The following HDAC9 variants were observed in gnomAD, a reference collection of about 807,000 sequenced individuals.
HDAC9 encodes MEF-2 interacting transcription repressor (MITR) protein.
HDAC9 carries 41 observed loss-of-function variants against 139.4 expected under a neutral mutation model. That is an observed-to-expected ratio of 0.29 (90% confidence interval 0.23 to 0.38). The LOEUF (loss-of-function observed/expected upper bound fraction) is 0.38, where lower values mean the gene tolerates loss of function less well. HDAC9 is among the 10% of genes least tolerant of loss of function. HDAC9 has a pLI of 1.00. For missense variants in HDAC9, 1,147 were observed against 1,297.0 expected, an observed-to-expected ratio of 0.88 and a Z score of 1.78; for synonymous variants, 517 against 476.2, an observed-to-expected ratio of 1.09 and a Z score of -1.12.
intron 11 of HDAC9, among the ~76,000 whole-genome samples, chr7:18,657,864 G>T (rs578033858): frequency 2.6e-5 from 4 of 152,164 alleles, no homozygotes; most frequent in South Asian, 4.1e-4. Flanking sequence ...TGGCCTACAA[G>T]GCTGTCATGA....
chr7:18,895,231 C>T (rs1317268902), intron 22 of HDAC9, among the ~76,000 whole-genome samples: 2 of 152,064 alleles, frequency 1.3e-5, no homozygotes, highest in African/African-American at 4.8e-5. Flanking sequence ...GCTCAGGCCC[C>T]GCTAGGCAGA....
intron 2 of HDAC9, among the ~76,000 whole-genome samples, chr7:18,547,625 A>T (rs1254666231): frequency 6.6e-6 from 1 of 152,012 alleles, no homozygotes; most frequent in East Asian, 1.9e-4. Flanking sequence ...ACAGCAAGTA[A>T]TGCTGATGTG....
chr7:18,663,309 G>T (rs1218474938), intron 11 of HDAC9, among the ~76,000 whole-genome samples: 2 of 152,102 alleles, frequency 1.3e-5, no homozygotes, highest in Admixed American at 6.6e-5. Context: ...AGGCCATGTT[G>T]TGGCCAGGGA....
At chr7:18,719,262 T>G (rs887421735) in intron 12 of HDAC9, among the ~76,000 whole-genome samples, 1 of 151,968 alleles carries the variant, frequency 6.6e-6, no homozygotes, top group Non-Finnish European at 1.5e-5. Flanking sequence ...CCACTTACTT[T>G]ATGGTGTCCT....
chr7:18,629,474 G>A lies in HDAC9; in HGVS notation c.789G>A (p.Glu263=), dbSNP rs1164324150. ...CTTCATTCAAGAAGCGAATGTTTGA[G>A]GTGACAGGTAATTGAGGACTGGGCA... ...VVTSFKKRMF[E]VTESSVSSSS... is the part of the protein sequence containing the mutation. The change falls in exon 7 of 26, where the codon GAG becomes GAA. Residue 263 remains glutamate (E), a synonymous_variant. Transcript: ENST00000686413. 6.2e-7 allele frequency: 1 copy of A among 1,611,830 alleles called. No homozygotes were observed. The highest frequency in any genetic ancestry group is 1.1e-5 in the South Asian group (1 of 90,950).
intron 22 of HDAC9, among the ~76,000 whole-genome samples, chr7:18,910,027 G>A (rs545027803): frequency 1.3e-5 from 2 of 151,878 alleles, no homozygotes; most frequent in Admixed American, 1.3e-4. Context: ...TAGATGATCT[G>A]TCCAATGCTG....
intron 1 of HDAC9, among the ~76,000 whole-genome samples, chr7:18,401,926 G>A (rs1211650437): frequency 1.3e-5 from 2 of 152,128 alleles, no homozygotes; most frequent in Non-Finnish European, 2.9e-5. Context: ...TCAATCTGTT[G>A]TTCCCTTTTT....
chr7:18,101,613 ATCTT>A (rs1232345848), intron 1 of HDAC9, among the ~76,000 whole-genome samples: 3 of 152,150 alleles, frequency 2.0e-5, no homozygotes, highest in Admixed American at 6.5e-5. Context: ...GATATTCTAC[ATCTT>A]TCTTTTCAGC....
chr7:18,924,421 C>G (rs1195691646), intron 22 of HDAC9, among the ~76,000 whole-genome samples: 1 of 151,990 alleles, frequency 6.6e-6, no homozygotes, highest in Non-Finnish European at 1.5e-5. Flanking sequence ...TCGGAGGGTT[C>G]CTGAACCTCG....
chr7:18,953,253 A>C (rs1308303234), intron 23 of HDAC9, among the ~76,000 whole-genome samples: 1 of 151,966 alleles, frequency 6.6e-6, no homozygotes, highest in African/African-American at 2.4e-5. Flanking sequence ...TTTTTTGTTA[A>C]TCCTTTTGTT....
chr7:18,745,847 G>A (rs1264688430), intron 13 of HDAC9, among the ~76,000 whole-genome samples: 3 of 148,254 alleles, frequency 2.0e-5, no homozygotes, highest in South Asian at 2.2e-4. Context: ...TGCCCGGCCC[G>A]ACTCTCTACT....
chr7:18,378,607 A>G (rs1207883950), intron 1 of HDAC9, among the ~76,000 whole-genome samples: 1 of 152,092 alleles, frequency 6.6e-6, no homozygotes, highest in African/African-American at 2.4e-5. Flanking sequence ...GTGAAATTAT[A>G]TATACATATA....
At chr7:18,930,460 C>T (rs1804638028) in intron 22 of HDAC9, among the ~76,000 whole-genome samples, 2 of 151,800 alleles carry the variant, frequency 1.3e-5, no homozygotes, top group African/African-American at 4.8e-5. Context: ...CACACACATA[C>T]ACACAAACAC....
intron 2 of HDAC9, among the ~76,000 whole-genome samples, chr7:18,180,938 G>GT (rs779880082): frequency 2.1e-4 from 32 of 152,238 alleles, no homozygotes; most frequent in Non-Finnish European, 4.3e-4. Context: ...GTTTGTGACT[G>GT]TATCACTCCA....
intron 2 of HDAC9, among the ~76,000 whole-genome samples, chr7:18,283,774 A>G (rs1797256406): frequency 2.0e-5 from 3 of 152,192 alleles, no homozygotes; most frequent in Admixed American, 2.0e-4. Context: ...TTATTTATAG[A>G]TGGGAAACAT....
intron 11 of HDAC9, among the ~76,000 whole-genome samples, chr7:18,651,297 C>T (rs1200365312): frequency 6.6e-6 from 1 of 152,100 alleles, no homozygotes; most frequent in Non-Finnish European, 1.5e-5. Flanking sequence ...CATACTGAAG[C>T]GATGGTCCTT....
chr7:18,389,478 A>G (rs957030529), intron 1 of HDAC9, among the ~76,000 whole-genome samples: 5 of 152,180 alleles, frequency 3.3e-5, no homozygotes, highest in Admixed American at 6.5e-5. Context: ...GGGAAACAGC[A>G]TCTGGACGAG....
At chr7:18,385,833 C>T (rs4719532) in intron 1 of HDAC9, among the ~76,000 whole-genome samples, 4 of 152,060 alleles carry the variant, frequency 2.6e-5, no homozygotes, top group Admixed American at 2.6e-4. Flanking sequence ...AAAAAATTTC[C>T]TAGCATAGGA....
intron 1 of HDAC9, among the ~76,000 whole-genome samples, chr7:18,112,315 A>G (rs1370449434): frequency 1.3e-5 from 2 of 152,182 alleles, no homozygotes; most frequent in Non-Finnish European, 2.9e-5. Context: ...TGTTTTGTTG[A>G]TTTTCTAGAC....
Sources: gnomAD v4.1 joint callset for allele counts (sites outside exome capture counted in the v4.1 genomes callset) on GRCh38, gnomAD v4.1.1 for gene constraint, MANE v1.5 for transcripts, NCBI Gene and HGNC (gene_info 2026-07-23, HGNC 2026-07-21) for gene names.